ZCWPW1: variants seen among roughly 807,000 people sequenced by gnomAD.
ZCWPW1 encodes zinc finger CW-type and PWWP domain containing 1.
ZCWPW1 carries 56 observed loss-of-function variants against 81.3 expected under a neutral mutation model. That is an observed-to-expected ratio of 0.69 (90% CI 0.56 to 0.86). The LOEUF (loss-of-function observed/expected upper bound fraction) is 0.86, where lower values mean the gene tolerates loss of function less well. Among genes scored for constraint, ZCWPW1 ranks in the 40% least tolerant of loss-of-function variants. The pLI is 0.00. For missense variants in ZCWPW1, 650 were observed against 769.8 expected, an observed-to-expected ratio of 0.84 and a Z score of 1.84; for synonymous variants, 250 against 273.7, an observed-to-expected ratio of 0.91 and a Z score of 0.86.
Position 100,408,551 on chromosome 7 carries a change from T to C in ZCWPW1, c.980A>G (p.Tyr327Cys). The change falls in exon 10 of 18, where the codon TAC (tyrosine) becomes TGC (cysteine). Residue 327 changes from tyrosine (Y) to cysteine (C), a missense_variant. Coordinates refer to ENST00000684423, the MANE Select transcript of ZCWPW1 (RefSeq NM_001386010.1). The part of the protein sequence containing the change: ...IPGSIIWAKQ[Y>C]GYPWWPGMIE... Reference sequence around the variant, plus strand: ...CATAATGCCCTACCAGGGGTAACCGTATTGCTTGGCCCAGATGATGGATCC... The same window carrying C: ...CATAATGCCCTACCAGGGGTAACCGCATTGCTTGGCCCAGATGATGGATCC... 6.2e-7 allele frequency: 1 copy of C among 1,613,834 alleles called. No homozygotes were observed. The highest frequency in any genetic ancestry group is 1.1e-5 in the South Asian group (1 of 91,056).
rs981728919 is a variant in ZCWPW1 at position 100,416,291 on chromosome 7, C to G, written c.631+14G>C. 1.1e-5 allele frequency: 17 copies of G among 1,613,252 alleles called. No individual in the cohort carries two copies. The highest frequency in any genetic ancestry group is 5.0e-5 in the Admixed American group (3 of 59,886). ...ACTTGAGCCAGGCTTCAAAGTATAT[C>G]TGACTGTACTTACGAGCTTCCTTCT... On this transcript the variant is annotated intron_variant, in intron 7 of 17. Coordinates refer to ENST00000684423, the MANE Select transcript of ZCWPW1 (RefSeq NM_001386010.1).
In ZCWPW1 at chr7:100,402,504, T is replaced by C; in HGVS notation, c.1474+12A>G. 3 of 1,614,090 alleles carry C rather than the reference T, an allele frequency of 1.9e-6. No homozygotes were observed. Among genetic ancestry groups the C allele is most frequent in the Middle Eastern group, 1.6e-4 (1 of 6,062 alleles). On this transcript the variant is annotated intron_variant, in intron 16 of 17. Coordinates refer to ENST00000684423, the MANE Select transcript of ZCWPW1 (RefSeq NM_001386010.1). ...CTGTGGGTTGTGCTCCATTTCCAGC[T>C]GGCCTGCTTACCTCTTGGCTTGGTT... is the stretch of plus-strand genomic sequence containing the variant.
In ZCWPW1 at chr7:100,419,688, C is replaced by G; in HGVS notation, c.224G>C (p.Arg75Thr). 6.2e-7 allele frequency: 1 copy of G among 1,613,966 alleles called. No homozygotes were observed. The change falls in exon 4 of 18, where the codon AGG (arginine) becomes ACG (threonine). Residue 75 changes from arginine to threonine, a missense_variant. Arg to Thr is a moderately conservative substitution (Grantham distance 71, BLOSUM62 -1). Transcript: ENST00000684423. ...EKATMKNVPS[R>T]EQEKKRKAQI... Reference sequence around the variant, plus strand: ...TGCCTTTCTTTTTTTCTCCTGTTCCCTGCTTGGAACATTCTTCATGGTTGC... The same window carrying G: ...TGCCTTTCTTTTTTTCTCCTGTTCCGTGCTTGGAACATTCTTCATGGTTGC...
chr7:100,404,648 C>T (rs1792613232), intron 13 of ZCWPW1, among the ~76,000 whole-genome samples: 1 of 152,124 alleles, frequency 6.6e-6, no homozygotes, highest in African/African-American at 2.4e-5. Context: ...GCGTGAACCC[C>T]CTGCCCAGCC....
intron 15 of ZCWPW1, among the ~76,000 whole-genome samples, chr7:100,402,996 A>G (rs1200250648): frequency 6.6e-6 from 1 of 152,196 alleles, no homozygotes; most frequent in Non-Finnish European, 1.5e-5. Flanking sequence ...AGTCAAATAC[A>G]TACAGTAGGA....
At chr7:100,417,438 C>T in intron 5 of ZCWPW1, 1 of 405,790 alleles carries the variant, frequency 2.5e-6, no homozygotes, top group Non-Finnish European at 4.4e-6. Flanking sequence ...AAATTATAGG[C>T]CAGGCATGGT....
chr7:100,413,889 C>T (rs1398121494), intron 8 of ZCWPW1, among the ~76,000 whole-genome samples: 1 of 152,028 alleles, frequency 6.6e-6, no homozygotes, highest in Non-Finnish European at 1.5e-5. Context: ...AGGCCTCTTA[C>T]AGTAATTCTG....
rs1304142446 is a variant in ZCWPW1, at chr7:100,401,297, A to G, written c.1667T>C (p.Leu556Ser). 2 of 1,597,540 alleles carry G rather than the reference A, an allele frequency of 1.3e-6. No individual in the cohort carries two copies. Among genetic ancestry groups the G allele is most frequent in the Admixed American group, 1.7e-5 (1 of 57,524 alleles). ...KKFKAPQSKA[L>S]AASFSEGKEV... ...TTTTCCCTCTGAAAAGCTGGCTGCC[A>G]AGGCCTTGCTCTGGGGAGCTTTAAA... Residue 556 changes from leucine (L) to serine (S), a missense_variant, in exon 18 of 18, where the codon TTG becomes TCG. Leu to Ser is a moderately radical substitution (Grantham distance 145, BLOSUM62 -2). Transcript: ENST00000684423.
At chr7:100,405,877 G>C (rs978900397) in intron 12 of ZCWPW1, among the ~76,000 whole-genome samples, 1 of 152,050 alleles carries the variant, frequency 6.6e-6, no homozygotes, top group African/African-American at 2.4e-5. Context: ...TGCCCACCTC[G>C]GCCTCCCAAA....
intron 12 of ZCWPW1, 139 bp downstream of exon 12, chr7:100,406,555 A>C (rs891958346): frequency 1.3e-6 from 1 of 768,784 alleles, no homozygotes; most frequent in African/African-American, 1.7e-5. Context: ...AGAGTCCTTC[A>C]TGAATTACCT....
chr7:100,418,874 A>C lies in ZCWPW1; in HGVS notation c.361+237T>G, dbSNP rs1795836368. 5 of 304,234 alleles carry C rather than the reference A, an allele frequency of 1.6e-5. 1 individual carries two copies. In the South Asian group the frequency reaches 7.0e-4, roughly 42 times the overall value. 18.8% of individuals were successfully genotyped at this position (304,234 alleles called of 1,614,324 possible). A position where few individuals can be genotyped will look rare whatever the true frequency, so the allele number is the denominator to read the frequency against. On this transcript the variant is annotated intron_variant, in intron 5 of 17. Transcript: ENST00000684423. ...GAAAATTTAGTTAAGACTATATATA[A>C]ATTCTGAAGTCAATGTAATCCACTT...
At chr7:100,420,229 T>C (rs1796097315) in intron 3 of ZCWPW1, among the ~76,000 whole-genome samples, 2 of 152,204 alleles carry the variant, frequency 1.3e-5, no homozygotes, top group East Asian at 3.8e-4. Context: ...AGATAAAATG[T>C]TATGGAAAAT....
chr7:100,417,330 C>T, intron 5 of ZCWPW1, 147 bp from the exon 6 acceptor site: 2 of 590,344 alleles, frequency 3.4e-6, no homozygotes, highest in Middle Eastern at 4.2e-4. Context: ...TTTAAATTTT[C>T]AGGAAAAACT....
At chr7:100,414,302 C>T (rs534774428) in intron 8 of ZCWPW1, among the ~76,000 whole-genome samples, 9 of 152,316 alleles carry the variant, frequency 5.9e-5, no homozygotes, top group Admixed American at 2.0e-4. Flanking sequence ...TTAGACACTA[C>T]GTAACTTTTT....
chr7:100,401,486 G>T, intron 17 of ZCWPW1, 150 bp from the exon 18 acceptor site: 1 of 815,698 alleles, frequency 1.2e-6, no homozygotes, highest in Non-Finnish European at 1.8e-6. Context: ...GGATCAGAAA[G>T]AGAGTCAAGC....
At chr7:100,425,507 C>T (rs1229395357) in intron 1 of ZCWPW1, among the ~76,000 whole-genome samples, 1 of 152,136 alleles carries the variant, frequency 6.6e-6, no homozygotes, top group Non-Finnish European at 1.5e-5. Context: ...TCACTTAGAA[C>T]ATTAAAAACC....
In ZCWPW1 at chr7:100,400,893, A is replaced by T. The variant is rs1791737577; in HGVS notation, c.*121T>A. 3.5e-6 allele frequency: 4 copies of T among 1,155,016 alleles called. No homozygotes were observed. The highest frequency in any genetic ancestry group is 5.9e-5 in the Admixed American group (2 of 33,816). The allele number at this position is 1,155,016 out of a possible 1,614,324, so 71.5% of individuals were successfully genotyped here. On this transcript the variant is annotated 3_prime_UTR_variant, in exon 18 of 18. Transcript: ENST00000684423. ...CCAGTCGACTGTAACCTGCTTTATT[A>T]ACACAGAAACTGCACCACACACATT... is the stretch of plus-strand genomic sequence containing the variant.
chr7:100,424,566 A>G (rs1336402275), intron 2 of ZCWPW1, among the ~76,000 whole-genome samples: 2 of 152,022 alleles, frequency 1.3e-5, no homozygotes, highest in African/African-American at 2.4e-5. Context: ...GGTTCAAGCG[A>G]TTCTCCTGCC....
chr7:100,419,170 T>C lies in ZCWPW1; in HGVS notation c.302A>G (p.Asn101Ser). ...KKEKEKSSLT[N>S]AEFEEIVQIV... is the part of the protein sequence containing the mutation. The stretch of plus-strand genomic sequence containing the variant: ...CTGGACAATCTCCTCAAATTCTGCA[T>C]TGGTAAGACTTGATTTTTCCTGCAG... The change falls in exon 5 of 18, where the codon AAT becomes AGT. Residue 101 changes from asparagine (N) to serine (S), a missense_variant. Physicochemically the swap from Asn to Ser is conservative, Grantham distance 46. Coordinates refer to ENST00000684423, the MANE Select transcript of ZCWPW1 (RefSeq NM_001386010.1). 2.5e-6 allele frequency: 4 copies of C among 1,612,912 alleles called. No homozygotes were observed. The highest frequency in any genetic ancestry group is 3.4e-6 in the Non-Finnish European group (4 of 1,179,546).
Sources: gnomAD v4.1 joint callset for allele counts (sites outside exome capture counted in the v4.1 genomes callset) on GRCh38, gnomAD v4.1.1 for gene constraint, MANE v1.5 for transcripts, NCBI Gene and HGNC (gene_info 2026-07-23, HGNC 2026-07-21) for gene names.